Variants in IL16 observed in about 807,000 individuals in gnomAD.
The protein encoded by IL16 is interleukin 16.
A neutral mutation model predicts 110.1 loss-of-function variants in IL16; 67 were observed. The ratio of observed to expected loss-of-function variants is 0.61; its 90% CI spans 0.50 to 0.75. The LOEUF is 0.75. IL16 is among the 30% of genes least tolerant of loss of function. IL16 has a pLI of 0.00. For synonymous variants in IL16, 689 were observed against 662.9 expected (o/e 1.04, Z -0.61); for missense variants, 1,545 against 1,655.0 (o/e 0.93, Z 1.15).
At chr15:81,269,700 C>T in intron 5 of IL16, 52 bp downstream of exon 5, 1 of 1,276,418 alleles carries the variant, frequency 7.8e-7, no homozygotes, top group Non-Finnish European at 1.1e-6. Flanking sequence ...CACCAGTCTC[C>T]AAGGAGCTGC....
In IL16 at chr15:81,299,886, C is replaced by A; in HGVS notation, c.2560C>A (p.Leu854Met). 6.2e-7 allele frequency: 1 copy of A among 1,613,618 alleles called. No individual in the cohort carries two copies. Among genetic ancestry groups the A allele is most frequent in the Non-Finnish European group, 8.5e-7 (1 of 1,180,022 alleles). The change falls in exon 14 of 19, where the codon CTG becomes ATG. Residue 854 changes from leucine (L) to methionine (M), a missense_variant. Physicochemically the swap from Leu to Met is conservative, Grantham distance 15. Coordinates refer to ENST00000683961, the MANE Select transcript of IL16 (RefSeq NM_172217.5). ...SSFETFGSSQ[L>M]PDKGAQRLSL... is the part of the protein sequence containing the mutation. The stretch of plus-strand genomic sequence containing the variant: ...CTTTGAAACCTTTGGCTCCTCTCAA[C>A]TGCCTGACAAAGGAGCCCAGAGACT...
At chr15:81,293,383 G>A (rs994315423) in intron 12 of IL16, among the ~76,000 whole-genome samples, 1 of 152,138 alleles carries the variant, frequency 6.6e-6, no homozygotes, top group Non-Finnish European at 1.5e-5. Flanking sequence ...TGAGTGTCCT[G>A]CTTGTAGGGA....
At chr15:81,247,429 T>G (rs913694663) in intron 2 of IL16, among the ~76,000 whole-genome samples, 3 of 152,190 alleles carry the variant, frequency 2.0e-5, no homozygotes, top group Non-Finnish European at 2.9e-5. Context: ...CATGAGTTAT[T>G]TGGAGGTATG....
intron 15 of IL16, among the ~76,000 whole-genome samples, chr15:81,302,538 A>G (rs1900339497): frequency 6.6e-6 from 1 of 152,132 alleles, no homozygotes; most frequent in African/African-American, 2.4e-5. Flanking sequence ...AGGTACATTC[A>G]TCCTTCCATG....
intron 1 of IL16, among the ~76,000 whole-genome samples, chr15:81,191,252 G>A (rs1171957492): frequency 6.6e-6 from 1 of 152,208 alleles, no homozygotes; most frequent in Non-Finnish European, 1.5e-5. Context: ...CCCTTGGAGA[G>A]AACATTCTGT....
At position 81,202,701 on chromosome 15, in the gene IL16, C is replaced by T. The variant is rs28545186; in HGVS notation, c.-102+5549C>T. The stretch of plus-strand genomic sequence containing the variant: ...AGTATTCCATGGTGTATATGTGCCA[C>T]ATTTTCTTAATCCAGTCTATCATTG... On this transcript the variant is annotated intron_variant, in intron 1 of 18. Transcript: ENST00000683961. Among the ~76,000 whole-genome samples, 583 of 152,312 alleles carry T rather than the reference C, an allele frequency of 3.8e-3. 1 individual carries two copies. Among genetic ancestry groups the T allele is most frequent in the African/African-American group, 0.014 (564 of 41,556 alleles).
chr15:81,220,421 T>C (rs1160146131), intron 1 of IL16, among the ~76,000 whole-genome samples: 2 of 152,200 alleles, frequency 1.3e-5, no homozygotes, highest in African/African-American at 2.4e-5. Context: ...TCCCAAAGTG[T>C]TGGGATTACA....
chr15:81,194,458 GTAATTT>G (rs1346912116), upstream of IL16, among the ~76,000 whole-genome samples: 5 of 150,226 alleles, frequency 3.3e-5, no homozygotes, highest in Admixed American at 1.3e-4. Context: ...ATTTGTAATT[GTAATTT>G]TAATTTTTAA....
chr15:81,199,033 A>AAT (rs1895712340), intron 1 of IL16, among the ~76,000 whole-genome samples: 1 of 88,188 alleles, frequency 1.1e-5, no homozygotes, highest in Admixed American at 1.1e-4. Context: ...AAAAAAAAAT[A>AAT]TATATATATA....
intron 1 of IL16, among the ~76,000 whole-genome samples, chr15:81,207,097 G>A (rs1160109065): frequency 2.6e-5 from 4 of 151,850 alleles, no homozygotes; most frequent in South Asian, 2.1e-4. Context: ...TTAGCCAGGC[G>A]TGGTGGTGGG....
At chr15:81,258,125 G>C (rs1898015359) in intron 2 of IL16, among the ~76,000 whole-genome samples, 1 of 152,114 alleles carries the variant, frequency 6.6e-6, no homozygotes, top group Non-Finnish European at 1.5e-5. Context: ...TTACAAAATA[G>C]AATAACCAGA....
rs1901011560 is a variant in IL16 at position 81,314,051 on chromosome 15, T to C, written c.*5253T>C. 6.6e-6 allele frequency: 1 copy of C among 152,228 alleles called. No homozygotes were observed. The highest frequency in any genetic ancestry group is 2.4e-5 in the African/African-American group (1 of 41,462). The allele number at this position is 152,228 out of a possible 1,614,324, so 9.4% of individuals were successfully genotyped here. On this transcript the variant is annotated 3_prime_UTR_variant, in exon 19 of 19. Transcript: ENST00000683961. ...AGTTTTTTAAAATAAAAATGTTATCTATGTTAACATGCAGTGCATTTTTAT... is the reference window on the plus strand; with the variant it reads ...AGTTTTTTAAAATAAAAATGTTATCCATGTTAACATGCAGTGCATTTTTAT...
intron 1 of IL16, among the ~76,000 whole-genome samples, chr15:81,198,130 C>G (rs1252450341): frequency 6.6e-6 from 1 of 152,222 alleles, no homozygotes; most frequent in Non-Finnish European, 1.5e-5. Flanking sequence ...CATGAGCCGT[C>G]AGGTGGGTCA....
Position 81,225,488 on chromosome 15 carries a change from C to A in IL16, c.89C>A (p.Thr30Asn). 1 of 1,614,122 alleles carries A rather than the reference C, an allele frequency of 6.2e-7. No individual in the cohort carries two copies. Among genetic ancestry groups the A allele is most frequent in the Non-Finnish European group, 8.5e-7 (1 of 1,179,970 alleles). The change falls in exon 2 of 19, where the codon ACC (threonine) becomes AAC (asparagine). Residue 30 changes from threonine to asparagine, a missense_variant. Physicochemically the swap from Thr to Asn is moderately conservative, Grantham distance 65. Transcript: ENST00000683961. Reference protein sequence around the residue: ...SRSLMLCNAKTSDDGSSPDEK... With the variant: ...SRSLMLCNAKNSDDGSSPDEK... ...TCCCTGATGCTCTGTAATGCTAAGA[C>A]CAGTGATGATGGCTCTAGCCCTGAT...
chr15:81,247,076 CTT>C (rs57484982), intron 2 of IL16, among the ~76,000 whole-genome samples: 4 of 92,610 alleles, frequency 4.3e-5, no homozygotes, highest in African/African-American at 4.8e-5. Flanking sequence ...TTTTCTTTTC[CTT>C]TTTTTTTTTT....
chr15:81,258,730 G>GCTCTCTCTCTCTCTCT (rs145587698), intron 2 of IL16, among the ~76,000 whole-genome samples: 5 of 147,832 alleles, frequency 3.4e-5, no homozygotes, highest in African/African-American at 7.4e-5. Context: ...TCGCGCACGC[G>GCTCTCTCTCTCTCTCT]CTCTCTCTCT....
At chr15:81,292,495 CA>C (rs750901592) in intron 11 of IL16, 60 bp from the exon 12 acceptor site, 98 of 1,612,160 alleles carry the variant, frequency 6.1e-5, no homozygotes, top group Admixed American at 1.2e-4. Context: ...CAGGTGAGGC[CA>C]GGGGGTATTT....
At chr15:81,218,492 T>C (rs563230935) in intron 1 of IL16, among the ~76,000 whole-genome samples, 2 of 152,308 alleles carry the variant, frequency 1.3e-5, no homozygotes, top group Non-Finnish European at 2.9e-5. Flanking sequence ...ATAAAATTAT[T>C]TCACAACTAC....
intron 2 of IL16, among the ~76,000 whole-genome samples, chr15:81,232,532 GTT>G (rs1339014051): frequency 6.6e-6 from 1 of 152,070 alleles, no homozygotes; most frequent in Non-Finnish European, 1.5e-5. Flanking sequence ...ATTGGCAGAG[GTT>G]TTATTTTGCC....
Sources: gnomAD v4.1 joint callset for allele counts (sites outside exome capture counted in the v4.1 genomes callset) on GRCh38, gnomAD v4.1.1 for gene constraint, MANE v1.5 for transcripts, NCBI Gene and HGNC (gene_info 2026-07-23, HGNC 2026-07-21) for gene names.